The following PIEZO2 variants were observed in gnomAD, a reference collection of about 807,000 sequenced individuals.
PIEZO2 encodes the protein piezo type mechanosensitive ion channel component 2, also known as piezo-type mechanosensitive ion channel component 2.
A neutral mutation model predicts 337.3 loss-of-function variants in PIEZO2; 172 were observed. The observed-to-expected ratio is 0.51, with a 90% confidence interval of 0.45 to 0.58. The LOEUF is 0.58. Ranked by LOEUF, PIEZO2 falls within the 20% of genes least tolerant of loss-of-function variation. PIEZO2 has a pLI of 0.00. For synonymous variants in PIEZO2, 1,251 were observed against 1,228.5 expected, an observed-to-expected ratio of 1.02 and a Z score of -0.38; for missense variants, 3,028 against 3,391.3, an observed-to-expected ratio of 0.89 and a Z score of 2.66.
rs2037528122 is a variant in PIEZO2 at position 10,748,798 on chromosome 18, A to C, written c.4265-168T>G. On this transcript the variant is annotated intron_variant, in intron 29 of 55. Transcript: ENST00000674853. This position sits in a 1 kb window ranked among gnomAD's most constrained non-coding sequence, Gnocchi z 5.1. ...ATTTACAAGGAGATCACACACTTCC[A>C]ATCCAATATCAACACTGATTCATAA... Among the ~76,000 whole-genome samples the C allele has an allele frequency of 6.6e-6, 1 of 152,206 alleles. No homozygotes were observed. The highest frequency in any genetic ancestry group is 2.4e-5 in the African/African-American group (1 of 41,462).
At chr18:11,013,320 G>T (rs1490736350) in intron 2 of PIEZO2, among the ~76,000 whole-genome samples, 1 of 152,116 alleles carries the variant, frequency 6.6e-6, no homozygotes, top group Non-Finnish European at 1.5e-5. Flanking sequence ...GACAGAAGGG[G>T]CCAGGAACCA....
intron 1 of PIEZO2, among the ~76,000 whole-genome samples, chr18:11,085,615 A>G (rs2038881940): frequency 6.6e-6 from 1 of 152,092 alleles, no homozygotes; most frequent in Non-Finnish European, 1.5e-5. Flanking sequence ...AATAAACTAA[A>G]AGCCAGTACT....
In PIEZO2 at chr18:10,783,132, T is replaced by G. The variant is rs2039091427; in HGVS notation, c.2492+1652A>C. Among the ~76,000 whole-genome samples, 1 of 152,218 alleles carries G rather than the reference T, an allele frequency of 6.6e-6. No individual in the cohort carries two copies. The highest frequency in any genetic ancestry group is 1.9e-4 in the East Asian group (1 of 5,176). ...AATATGCAAGAGAAGAAATGGCATT[T>G]GGAAGAAAAAAAAGATTTTTTTTTA... On this transcript the variant is annotated intron_variant, in intron 17 of 55. Coordinates refer to ENST00000674853, the MANE Select transcript of PIEZO2 (RefSeq NM_001378183.1). The surrounding 1 kb of genome is among the most constrained non-coding windows in gnomAD (Gnocchi z 4.3).
chr18:11,095,642 G>A (rs987803197), intron 1 of PIEZO2, among the ~76,000 whole-genome samples: 1 of 152,162 alleles, frequency 6.6e-6, no homozygotes, highest in Non-Finnish European at 1.5e-5. Flanking sequence ...ACCAAGCAAG[G>A]ATCAAAAGGG....
At chr18:10,897,567 C>G (rs746405250) in intron 4 of PIEZO2, among the ~76,000 whole-genome samples, 1 of 152,212 alleles carries the variant, frequency 6.6e-6, no homozygotes, top group African/African-American at 2.4e-5. Context: ...ATAAGACGTG[C>G]CTTTCACCTT....
At chr18:10,681,466 A>G (rs751256408) in intron 51 of PIEZO2, among the ~76,000 whole-genome samples, 195 bp downstream of exon 51, 1 of 152,198 alleles carries the variant, frequency 6.6e-6, no homozygotes, top group Non-Finnish European at 1.5e-5. Context: ...TATTACCACT[A>G]ATGTCCAACA....
Position 10,993,183 on chromosome 18 carries a change from G to T in PIEZO2, c.161-13523C>A, listed in dbSNP as rs545498960. Among the ~76,000 whole-genome samples the T allele has an allele frequency of 1.7e-4, 26 of 152,268 alleles. No individual in the cohort carries two copies. The highest frequency in any genetic ancestry group is 6.3e-4 in the African/African-American group (26 of 41,558). ...TGTCATCTGCAAACAGAGACACTTT[G>T]ACTTCCTCTTTTCCTATTTGAATAC... On this transcript the variant is annotated intron_variant, in intron 2 of 55. Transcript: ENST00000674853. This position sits in a 1 kb window ranked among gnomAD's most constrained non-coding sequence, Gnocchi z 5.0.
intron 1 of PIEZO2, among the ~76,000 whole-genome samples, chr18:11,093,487 C>T (rs1385919476): frequency 6.6e-6 from 1 of 151,426 alleles, no homozygotes; most frequent in Non-Finnish European, 1.5e-5. Context: ...GGGACTCTCA[C>T]TACACTGTTC....
intron 2 of PIEZO2, among the ~76,000 whole-genome samples, chr18:11,029,608 C>T (rs1168339591): frequency 6.6e-6 from 1 of 152,204 alleles, no homozygotes; most frequent in Non-Finnish European, 1.5e-5. Context: ...AACCCTTTCA[C>T]TATTTACAAC....
rs372875980 is a variant in PIEZO2 at position 10,985,947 on chromosome 18, A to T, written c.161-6287T>A. 9.9e-5 allele frequency among the ~76,000 whole-genome samples: 15 copies of T among 152,114 alleles called. No individual in the cohort carries two copies. In the South Asian group the frequency reaches 2.5e-3, roughly 25 times the overall value. Reference sequence around the variant, plus strand: ...TAAAATATATAGGGTAGCCGAATGGATAAAAAAAAATCCAGCTATACACTG... The same window carrying T: ...TAAAATATATAGGGTAGCCGAATGGTTAAAAAAAAATCCAGCTATACACTG... On this transcript the variant is annotated intron_variant, in intron 2 of 55. Coordinates refer to ENST00000674853, the MANE Select transcript of PIEZO2 (RefSeq NM_001378183.1).
chr18:10,831,636 A>G (rs927250233), intron 7 of PIEZO2, among the ~76,000 whole-genome samples: 1 of 152,188 alleles, frequency 6.6e-6, no homozygotes, highest in Non-Finnish European at 1.5e-5. Context: ...TAAAATAACT[A>G]CAAGAGTAGA....
chr18:10,729,188 A>C (rs1432976345), intron 36 of PIEZO2, among the ~76,000 whole-genome samples: 1 of 152,194 alleles, frequency 6.6e-6, no homozygotes, highest in Non-Finnish European at 1.5e-5. Context: ...AGTAAGATAA[A>C]GTTACTAGGA....
At chr18:11,113,411 T>C (rs2146156901) in intron 1 of PIEZO2, among the ~76,000 whole-genome samples, 1 of 152,298 alleles carries the variant, frequency 6.6e-6, no homozygotes, top group African/African-American at 2.4e-5. Context: ...TGACTCCCCC[T>C]TGAGCAAATA....
At chr18:10,756,186 G>T (rs748964419) in intron 27 of PIEZO2, among the ~76,000 whole-genome samples, 1 of 149,372 alleles carries the variant, frequency 6.7e-6, no homozygotes, top group South Asian at 2.2e-4. Context: ...ATGAGGATGA[G>T]GCAGAGGCAA....
chr18:11,034,102 G>A (rs7244525), intron 2 of PIEZO2, among the ~76,000 whole-genome samples: 37,802 of 151,864 alleles, frequency 0.25, 4,796 homozygotes, highest in East Asian at 0.37. Flanking sequence ...AGGGACGCTA[G>A]TGCTCGTCGT....
chr18:11,103,411 A>G (rs1413003691), intron 1 of PIEZO2, among the ~76,000 whole-genome samples: 2 of 152,332 alleles, frequency 1.3e-5, no homozygotes, highest in Non-Finnish European at 2.9e-5. Context: ...CCATTCACTC[A>G]TAATCCATCC....
chr18:10,842,451 ACTT>A (rs2144613910), intron 7 of PIEZO2, among the ~76,000 whole-genome samples: 1 of 152,134 alleles, frequency 6.6e-6, no homozygotes, highest in African/African-American at 2.4e-5. Context: ...TTGCTCTATT[ACTT>A]GCCTCGAGAG....
At chr18:10,720,564 C>T (rs1375108079) in intron 36 of PIEZO2, among the ~76,000 whole-genome samples, 1 of 147,554 alleles carries the variant, frequency 6.8e-6, no homozygotes, top group Admixed American at 6.9e-5. Flanking sequence ...CCCAAGTGAT[C>T]CTCCCTCCTC....
chr18:11,054,130 A>G (rs1364658945), intron 2 of PIEZO2, among the ~76,000 whole-genome samples: 1 of 152,224 alleles, frequency 6.6e-6, no homozygotes, highest in Admixed American at 6.5e-5. Flanking sequence ...ATGCAGGACA[A>G]TCTCAATCCT....
Sources: allele counts gnomAD v4.1 joint callset (sites outside exome capture counted in the v4.1 genomes callset), GRCh38; gene constraint gnomAD v4.1.1; non-coding constraint Gnocchi (gnomAD v3.1); transcripts MANE v1.5; gene names NCBI Gene and HGNC (gene_info 2026-07-23, HGNC 2026-07-21).